SUMF1: variants seen among roughly 807,000 people sequenced by gnomAD.
SUMF1 encodes the protein sulfatase modifying factor 1.
A neutral mutation model predicts 47.6 loss-of-function variants in SUMF1; 48 were observed. The observed-to-expected ratio is 1.01, with a 90% CI of 0.80 to 1.28. The LOEUF (loss-of-function observed/expected upper bound fraction) is 1.28, where lower values mean the gene tolerates loss of function less well. SUMF1 is among the 50% of genes most tolerant of loss of function. SUMF1 has a pLI of 0.00. For synonymous variants in SUMF1, 230 were observed against 192.1 expected (o/e 1.20, Z -1.63); for missense variants, 571 against 485.4 (o/e 1.18, Z -1.66).
intron 8 of SUMF1, among the ~76,000 whole-genome samples, chr3:4,285,242 G>A (rs774867265): frequency 1.6e-4 from 24 of 152,024 alleles, no homozygotes; most frequent in Non-Finnish European, 2.8e-4. Flanking sequence ...CTCCTCTTTC[G>A]AAATTACTAA....
intron 8 of SUMF1, among the ~76,000 whole-genome samples, chr3:4,364,564 G>A (rs112447023): frequency 1.3e-5 from 2 of 151,116 alleles, no homozygotes; most frequent in South Asian, 2.1e-4. Flanking sequence ...TGGGATCGGT[G>A]GTGATATCCC....
intron 8 of SUMF1, among the ~76,000 whole-genome samples, chr3:4,106,941 A>AAAACAT (rs1357565634): frequency 1.3e-5 from 2 of 152,260 alleles, no homozygotes; most frequent in East Asian, 3.9e-4. Flanking sequence ...GTTTTAAGAC[A>AAAACAT]AAGGCAAAAC....
intron 3 of SUMF1, among the ~76,000 whole-genome samples, chr3:4,443,268 C>T (rs2125107467): frequency 6.6e-6 from 1 of 151,988 alleles, no homozygotes; most frequent in East Asian, 1.9e-4. Flanking sequence ...CAGAGCCAGA[C>T]TCTGTCTCAA....
chr3:4,213,766 T>A (rs1695852847), intron 8 of SUMF1, among the ~76,000 whole-genome samples: 1 of 152,088 alleles, frequency 6.6e-6, no homozygotes, highest in African/African-American at 2.4e-5. Flanking sequence ...AATCCCAGTC[T>A]CTGATAAAAC....
intron 8 of SUMF1, among the ~76,000 whole-genome samples, chr3:4,112,109 A>G (rs1259937552): frequency 2.0e-5 from 3 of 152,030 alleles, no homozygotes; most frequent in African/African-American, 7.3e-5. Flanking sequence ...AAGATCTACA[A>G]TTAACTCTAG....
At chr3:4,150,440 T>C (rs1694292689) in intron 8 of SUMF1, among the ~76,000 whole-genome samples, 1 of 151,102 alleles carries the variant, frequency 6.6e-6, no homozygotes, top group African/African-American at 2.5e-5. Context: ...CAGGTGCCTG[T>C]AGTCCCAGCT....
chr3:4,287,522 T>A (rs924975645), intron 8 of SUMF1, among the ~76,000 whole-genome samples: 1 of 152,168 alleles, frequency 6.6e-6, no homozygotes, highest in South Asian at 2.1e-4. Flanking sequence ...TCATTTCTCA[T>A]TCCACATTGA....
intron 3 of SUMF1, among the ~76,000 whole-genome samples, chr3:4,447,563 G>C (rs1303625311): frequency 6.6e-6 from 1 of 151,676 alleles, no homozygotes; most frequent in Non-Finnish European, 1.5e-5. Flanking sequence ...TACTCTTCTG[G>C]AGACACTGGG....
intron 9 of SUMF1, among the ~76,000 whole-genome samples, chr3:4,045,651 T>C (rs977363817): frequency 1.3e-5 from 2 of 152,112 alleles, no homozygotes; most frequent in African/African-American, 4.8e-5. Context: ...TGTGATTTTG[T>C]TTTCCAGATT....
intron 3 of SUMF1, among the ~76,000 whole-genome samples, chr3:4,429,692 T>C (rs1353832542): frequency 1.3e-5 from 2 of 152,116 alleles, no homozygotes; most frequent in South Asian, 2.1e-4. Flanking sequence ...GTAAGAGACA[T>C]ACACATGCAG....
intron 3 of SUMF1, among the ~76,000 whole-genome samples, chr3:4,437,514 A>G (rs1165194590): frequency 6.6e-6 from 1 of 152,212 alleles, no homozygotes; most frequent in Non-Finnish European, 1.5e-5. Flanking sequence ...AATTAAATCC[A>G]AAAATGTCAA....
intron 8 of SUMF1, among the ~76,000 whole-genome samples, chr3:4,188,675 C>A (rs1419748731): frequency 6.6e-6 from 1 of 152,026 alleles, no homozygotes; most frequent in Non-Finnish European, 1.5e-5. Flanking sequence ...TTTGGCTCAT[C>A]TTTTAGTGCT....
chr3:4,392,141 T>C (rs1575167406), intron 7 of SUMF1, among the ~76,000 whole-genome samples: 1 of 152,206 alleles, frequency 6.6e-6, no homozygotes, highest in South Asian at 2.1e-4. Flanking sequence ...ATACTTTCTC[T>C]TGATCTACCT....
At chr3:4,303,570 C>G in intron 8 of SUMF1, 1 of 1,340,524 alleles carries the variant, frequency 7.5e-7, no homozygotes, top group Non-Finnish European at 9.5e-7. Flanking sequence ...CGCGCGGCTC[C>G]CCCACGTGGT....
At chr3:4,037,945 A>C (rs184397352) in intron 9 of SUMF1, among the ~76,000 whole-genome samples, 18 of 152,206 alleles carry the variant, frequency 1.2e-4, no homozygotes, top group African/African-American at 3.6e-4. Flanking sequence ...TTTGGTATTG[A>C]AGCTTTGGAG....
intron 8 of SUMF1, among the ~76,000 whole-genome samples, chr3:4,173,653 G>T (rs1200165233): frequency 6.6e-6 from 1 of 152,102 alleles, no homozygotes; most frequent in Non-Finnish European, 1.5e-5. Context: ...TGATAGACTG[G>T]ATTAAAAAAA....
chr3:4,416,303 G>C (rs1701709961), intron 6 of SUMF1, among the ~76,000 whole-genome samples: 1 of 146,190 alleles, frequency 6.8e-6, no homozygotes, highest in Non-Finnish European at 1.5e-5. Flanking sequence ...GTTCACTGTA[G>C]AAAAAAAAAA....
At chr3:4,287,183 C>T (rs980801288) in intron 8 of SUMF1, among the ~76,000 whole-genome samples, 1 of 152,100 alleles carries the variant, frequency 6.6e-6, no homozygotes, top group East Asian at 1.9e-4. Context: ...TACTGGTAGA[C>T]AGAACAACAC....
chr3:4,102,694 C>A (rs10510285), intron 8 of SUMF1, among the ~76,000 whole-genome samples: 1 of 151,874 alleles, frequency 6.6e-6, no homozygotes, highest in Non-Finnish European at 1.5e-5. Flanking sequence ...TTGTGTACTC[C>A]ATCTCTCCAA....
Sources: gnomAD v4.1 joint callset for allele counts (sites outside exome capture counted in the v4.1 genomes callset) on GRCh38, gnomAD v4.1.1 for gene constraint, MANE v1.5 for transcripts, NCBI Gene and HGNC (gene_info 2026-07-23, HGNC 2026-07-21) for gene names.